Variants in CTIF observed in about 807,000 individuals in gnomAD.
CTIF encodes the protein CBP80/20-dependent translation initiation factor.
In CTIF, 21 loss-of-function variants were observed where a neutral mutation model predicts 66.0. That is an observed-to-expected ratio of 0.32 (90% CI 0.23 to 0.46). CTIF has a LOEUF of 0.46. Ranked by LOEUF, CTIF falls within the 20% of genes least tolerant of loss-of-function variation. CTIF has a pLI of 1.00. For synonymous variants in CTIF, 345 were observed against 326.4 expected (o/e 1.06, Z -0.62); for missense variants, 739 against 812.7 (o/e 0.91, Z 1.10).
rs186604538 is a variant in CTIF at position 48,712,722 on chromosome 18, G to A, written c.584+1027G>A. 4.6e-5 allele frequency among the ~76,000 whole-genome samples: 7 copies of A among 152,310 alleles called. No homozygotes were observed. In the East Asian group the frequency reaches 1.4e-3, roughly 29 times the overall value. On this transcript the variant is annotated intron_variant, in intron 7 of 11. Transcript: ENST00000256413. Reference sequence around the variant, plus strand: ...TGCTCAGAACCCTAGCGGCGCCTGTGCTCAGGCTGGCTGGCCACCTCCTTA... The same window carrying A: ...TGCTCAGAACCCTAGCGGCGCCTGTACTCAGGCTGGCTGGCCACCTCCTTA...
At position 48,783,479 on chromosome 18, in the gene CTIF, C is replaced by T. The variant is rs1456361093; in HGVS notation, c.1371+21790C>T. Among the ~76,000 whole-genome samples the T allele has an allele frequency of 2.0e-5, 3 of 152,176 alleles. No individual in the cohort carries two copies. The East Asian group carries it at 5.8e-4, about 29-fold the overall frequency. On this transcript the variant is annotated intron_variant, in intron 9 of 11. Coordinates refer to ENST00000256413, the MANE Select transcript of CTIF (RefSeq NM_014772.3). ...TACCAGTCCAATAAATCTTGGAGCT[C>T]AGGACTCTGGTTCCAGAACAGCACG...
intron 10 of CTIF, among the ~76,000 whole-genome samples, chr18:48,830,664 C>T (rs1014046059): frequency 6.6e-6 from 1 of 152,140 alleles, no homozygotes; most frequent in Non-Finnish European, 1.5e-5. Flanking sequence ...GACCTTGGTT[C>T]ACTCTCTGGG....
At chr18:48,621,830 G>A (rs1568080542) in intron 2 of CTIF, among the ~76,000 whole-genome samples, 2 of 152,178 alleles carry the variant, frequency 1.3e-5, no homozygotes, top group Non-Finnish European at 2.9e-5. Flanking sequence ...GTGGTATTTG[G>A]GGGAAATAAG....
chr18:48,836,655 G>A (rs767972624), intron 10 of CTIF, among the ~76,000 whole-genome samples: 10 of 152,236 alleles, frequency 6.6e-5, no homozygotes, highest in Non-Finnish European at 1.5e-5. Context: ...GAAGCCCCAG[G>A]AGACTGCCGT....
chr18:48,761,216 C>G lies in CTIF; in HGVS notation c.1072-174C>G. 1.6e-6 allele frequency: 1 copy of G among 610,014 alleles called. No homozygotes were observed. The highest frequency in any genetic ancestry group is 2.8e-6 in the Non-Finnish European group (1 of 351,864). 37.8% of individuals were successfully genotyped at this position (610,014 alleles called of 1,614,324 possible). ...GGCCAAGAAAAAAGGCAACAAGGAG[C>G]TTTTGGCGCATGAGGGGTCTTTGGT... On this transcript the variant is annotated intron_variant, in intron 8 of 11. Transcript: ENST00000256413. The surrounding 1 kb of genome is among the most constrained non-coding windows in gnomAD (Gnocchi z 4.2).
intron 10 of CTIF, among the ~76,000 whole-genome samples, chr18:48,824,671 CT>C: frequency 6.6e-6 from 1 of 151,012 alleles, no homozygotes; most frequent in South Asian, 2.1e-4. Flanking sequence ...GAGTTTCACT[CT>C]TGTCGCCCAG....
At chr18:48,636,498 A>G in intron 2 of CTIF, 116 bp from the exon 3 acceptor site, 1 of 672,050 alleles carries the variant, frequency 1.5e-6, no homozygotes, top group Non-Finnish European at 2.3e-6. Flanking sequence ...AAATGGCCAA[A>G]TAGGATTCCA....
chr18:48,757,392 CA>C (rs60659382), intron 7 of CTIF, among the ~76,000 whole-genome samples: 1,617 of 139,088 alleles, frequency 0.012, 22 homozygotes, highest in African/African-American at 0.036. Context: ...GACAATGTTC[CA>C]AAAAAAAAAA....
chr18:48,773,059 C>T lies in CTIF; in HGVS notation c.1371+11370C>T, dbSNP rs536837836. On this transcript the variant is annotated intron_variant, in intron 9 of 11. Transcript: ENST00000256413. Reference sequence around the variant, plus strand: ...TCTATAAGGGGGACCGACTAAGAGGCAGAAGGATCTGGACTTTATAAAGTG... The same window carrying T: ...TCTATAAGGGGGACCGACTAAGAGGTAGAAGGATCTGGACTTTATAAAGTG... Among the ~76,000 whole-genome samples, 220 of 152,290 alleles carry T rather than the reference C, an allele frequency of 1.4e-3. 2 individuals carry two copies. The highest frequency in any genetic ancestry group is 4.8e-3 in the African/African-American group (200 of 41,556).
chr18:48,703,722 A>G (rs931059478), intron 6 of CTIF, among the ~76,000 whole-genome samples: 1 of 152,160 alleles, frequency 6.6e-6, no homozygotes, highest in African/African-American at 2.4e-5. Context: ...GGGCACTTCA[A>G]AACCTCATTG....
chr18:48,783,096 C>G (rs1911391943), intron 9 of CTIF, among the ~76,000 whole-genome samples: 1 of 152,212 alleles, frequency 6.6e-6, no homozygotes, highest in Non-Finnish European at 1.5e-5. Context: ...CTGTCCCTCC[C>G]TTCCTATCTG....
chr18:48,845,958 C>T (rs774060693), intron 10 of CTIF, among the ~76,000 whole-genome samples: 6 of 152,214 alleles, frequency 3.9e-5, no homozygotes, highest in African/African-American at 1.2e-4. Flanking sequence ...AACCTTCTAA[C>T]GGTCCCCCTG....
intron 3 of CTIF, among the ~76,000 whole-genome samples, chr18:48,654,119 G>A (rs1051612764): frequency 6.6e-6 from 1 of 152,164 alleles, no homozygotes; most frequent in African/African-American, 2.4e-5. Flanking sequence ...AGCTAAAATA[G>A]ACAAATGGGA....
Position 48,817,371 on chromosome 18 carries a change from A to G in CTIF, c.1522A>G (p.Arg508Gly), listed in dbSNP as rs2068388507. Residue 508 changes from arginine (R) to glycine (G), a missense_variant, in exon 10 of 12, where the codon AGG (arginine) becomes GGG (glycine). Physicochemically the swap from Arg to Gly is moderately radical, Grantham distance 125. Around this residue, in one of 2 missense-constraint regions of CTIF, gnomAD observed 210 missense variants for 292.3 expected, o/e 0.72. Transcript: ENST00000256413. ...VLVCPIYTCL[R>G]ELLQSQDVKE... is the part of the protein sequence containing the mutation. ...CGTGTGCCCCATCTACACCTGCCTC[A>G]GGGAGGTAAGAGACCTGCCGCCTGT... 9.3e-6 allele frequency: 15 copies of G among 1,610,724 alleles called. No individual in the cohort carries two copies. The highest frequency in any genetic ancestry group is 1.3e-5 in the Non-Finnish European group (15 of 1,178,592).
intron 7 of CTIF, among the ~76,000 whole-genome samples, chr18:48,717,292 G>C (rs2092290703): frequency 6.6e-6 from 1 of 151,956 alleles, no homozygotes; most frequent in Non-Finnish European, 1.5e-5. Flanking sequence ...CAGTTACTCG[G>C]GAGGCTGAGG....
rs762495061 is a variant in CTIF, at chr18:48,758,308, G to A, written c.974G>A (p.Arg325His). The change falls in exon 8 of 12, where the codon CGT becomes CAT. Residue 325 changes from arginine (R) to histidine (H), a missense_variant. Arg to His is a conservative substitution (Grantham distance 29). Coordinates refer to ENST00000256413, the MANE Select transcript of CTIF (RefSeq NM_014772.3). The stretch of plus-strand genomic sequence containing the variant: ...GGGGGGCCAGAGGTTGAGACAAAAC[G>A]TAAAGACAGTATTCTTCCCGAGCGC... ...QSGGPEVETK[R>H]KDSILPERIG... 1.5e-5 allele frequency: 25 copies of A among 1,613,150 alleles called. No homozygotes were observed. The highest frequency in any genetic ancestry group is 5.0e-5 in the Admixed American group (3 of 60,006).
At chr18:48,781,073 C>G (rs752481669) in intron 9 of CTIF, among the ~76,000 whole-genome samples, 13 of 152,332 alleles carry the variant, frequency 8.5e-5, no homozygotes, top group Admixed American at 4.6e-4. Context: ...TGTGAGCCCC[C>G]CTCTTCTTGT....
At chr18:48,621,167 TCTA>T (rs1342565789) in intron 2 of CTIF, among the ~76,000 whole-genome samples, 5 of 152,124 alleles carry the variant, frequency 3.3e-5, no homozygotes, top group Non-Finnish European at 5.9e-5. Flanking sequence ...GACTGTGTAT[TCTA>T]CTCGTGGATG....
chr18:48,694,263 A>G (rs2091974474), intron 6 of CTIF, among the ~76,000 whole-genome samples: 1 of 152,232 alleles, frequency 6.6e-6, no homozygotes, highest in Admixed American at 6.5e-5. Flanking sequence ...CACTCTGGCT[A>G]GGAATGGACG....
Sources: allele counts gnomAD v4.1 joint callset (sites outside exome capture counted in the v4.1 genomes callset), GRCh38; gene constraint gnomAD v4.1.1; regional missense constraint gnomAD v4.1.1; non-coding constraint Gnocchi (gnomAD v3.1); transcripts MANE v1.5; gene names NCBI Gene and HGNC (gene_info 2026-07-23, HGNC 2026-07-21).